The following CAB39 variants were observed in gnomAD, a reference collection of about 807,000 sequenced individuals.
The protein encoded by CAB39 is calcium binding protein 39, also known as calcium-binding protein 39.
A neutral mutation model predicts 40.0 loss-of-function variants in CAB39; 8 were observed. That is an observed-to-expected ratio of 0.20 (90% CI 0.12 to 0.36). The LOEUF (loss-of-function observed/expected upper bound fraction) is 0.36. Among genes scored for constraint, CAB39 ranks in the 10% least tolerant of loss-of-function variants. The pLI, the probability that CAB39 is intolerant of heterozygous loss-of-function variation, is 1.00. For missense variants in CAB39, 270 were observed against 401.1 expected, an observed-to-expected ratio of 0.67 and a Z score of 2.79; for synonymous variants, 156 against 141.6, an observed-to-expected ratio of 1.10 and a Z score of -0.72.
At chr2:230,777,365 T>C (rs933388888) in intron 2 of CAB39, among the ~76,000 whole-genome samples, 3 of 151,138 alleles carry the variant, frequency 2.0e-5, no homozygotes, top group Admixed American at 1.3e-4. Flanking sequence ...TTTTTTTGTT[T>C]TTTTTTTTTT....
chr2:230,810,320 A>T lies in CAB39; in HGVS notation c.625A>T (p.Arg209Ter). The change falls in exon 6 of 9, where the codon AGA becomes TGA. Residue 209 changes from arginine to a stop codon, truncating the protein, a stop_gained and splice_region_variant. Coordinates refer to ENST00000258418, the MANE Select transcript of CAB39 (RefSeq NM_016289.4). LOFTEE classifies it high-confidence loss of function. ...AGAATTTTTGGAACAGCATTATGAT[A>T]GAGTAAGTATATGAAATACTATTTT... ...SAEFLEQHYD[R>*]FFSEYEKLLH... 8.1e-7 allele frequency: 1 copy of T among 1,241,478 alleles called. No individual in the cohort carries two copies. The highest frequency in any genetic ancestry group is 1.1e-6 in the Non-Finnish European group (1 of 875,254). 76.9% of individuals were successfully genotyped at this position (1,241,478 alleles called of 1,614,324 possible). A position where few individuals can be genotyped will look rare whatever the true frequency, so the allele number is the denominator to read the frequency against.
chr2:230,802,426 A>G (rs1696106580), intron 5 of CAB39, among the ~76,000 whole-genome samples: 1 of 152,312 alleles, frequency 6.6e-6, no homozygotes, highest in African/African-American at 2.4e-5. Context: ...GAACTGAAGG[A>G]GATAGAGACA....
At chr2:230,741,714 C>T (rs1025388140) in intron 1 of CAB39, among the ~76,000 whole-genome samples, 6 of 152,122 alleles carry the variant, frequency 3.9e-5, no homozygotes, top group African/African-American at 1.4e-4. Flanking sequence ...TTTAAAATAT[C>T]CTCAAATCTT....
chr2:230,814,766 A>G (rs1179672504), intron 7 of CAB39, among the ~76,000 whole-genome samples: 1 of 152,198 alleles, frequency 6.6e-6, no homozygotes, highest in African/African-American at 2.4e-5. Flanking sequence ...TGCAAAGTCT[A>G]AAATATTTAC....
In CAB39 at chr2:230,790,565, C is replaced by T. The variant is rs1271627679; in HGVS notation, c.115-307C>T. The stretch of plus-strand genomic sequence containing the variant: ...TTGCCTCTTTGGTGATGTTTCCCTC[C>T]CACTTGAGGAAGTGAACCTTTCTCC... On this transcript the variant is annotated intron_variant, in intron 2 of 8. Coordinates refer to ENST00000258418, the MANE Select transcript of CAB39 (RefSeq NM_016289.4). Among the ~76,000 whole-genome samples the T allele has an allele frequency of 1.2e-4, 18 of 152,176 alleles. 1 individual carries two copies. Among genetic ancestry groups the T allele is most frequent in the Admixed American group, 1.2e-3 (18 of 15,286 alleles).
At chr2:230,784,688 C>G (rs1419008337) in intron 2 of CAB39, among the ~76,000 whole-genome samples, 1 of 151,946 alleles carries the variant, frequency 6.6e-6, no homozygotes, top group Non-Finnish European at 1.5e-5. Context: ...GTGGAAAGTT[C>G]AGGTGTAATT....
intron 7 of CAB39, among the ~76,000 whole-genome samples, chr2:230,816,411 C>A (rs1696401710): frequency 6.6e-6 from 1 of 152,222 alleles, no homozygotes; most frequent in Non-Finnish European, 1.5e-5. Context: ...TTGCTTCTCA[C>A]CGTAAGAATA....
intron 4 of CAB39, among the ~76,000 whole-genome samples, chr2:230,796,877 A>C (rs1695995777): frequency 6.6e-6 from 1 of 152,194 alleles, no homozygotes; most frequent in Non-Finnish European, 1.5e-5. Context: ...CAGGGGCAGG[A>C]ATGAACATAA....
In CAB39 at chr2:230,798,865, G is replaced by A. The variant is rs1177803084; in HGVS notation, c.535G>A (p.Asp179Asn). The change falls in exon 5 of 9, where the codon GAC becomes AAC. Residue 179 changes from aspartate (D) to asparagine (N), a missense_variant. Physicochemically the swap from Asp to Asn is conservative, Grantham distance 23 (BLOSUM62 1). Transcript: ENST00000258418. ...CAGATATGTCGAAATGTCAACATTTGACATAGCTTCAGATGCATTTGCCAC... is the reference window on the plus strand; with the variant it reads ...CAGATATGTCGAAATGTCAACATTTAACATAGCTTCAGATGCATTTGCCAC... Reference protein sequence around the residue: ...FFRYVEMSTFDIASDAFATFK... With the variant: ...FFRYVEMSTFNIASDAFATFK... 1 of 1,603,522 alleles carries A rather than the reference G, an allele frequency of 6.2e-7. No individual in the cohort carries two copies.
At chr2:230,721,093 G>A (rs1354665640) in intron 1 of CAB39, among the ~76,000 whole-genome samples, 1 of 151,946 alleles carries the variant, frequency 6.6e-6, no homozygotes, top group East Asian at 1.9e-4. Flanking sequence ...ATAATAATAC[G>A]TTCTTTCTAT....
intron 2 of CAB39, among the ~76,000 whole-genome samples, chr2:230,789,223 G>T (rs1695850337): frequency 6.6e-6 from 1 of 151,954 alleles, no homozygotes; most frequent in African/African-American, 2.4e-5. Context: ...TTTCATTCAG[G>T]TGTTTTTTTA....
chr2:230,789,263 C>T (rs370717367), intron 2 of CAB39, among the ~76,000 whole-genome samples: 8 of 152,256 alleles, frequency 5.3e-5, no homozygotes, highest in African/African-American at 1.7e-4. Flanking sequence ...TAACATGGTA[C>T]ATGTTAGTGA....
At chr2:230,814,194 G>T in intron 7 of CAB39, 80 bp downstream of exon 7, 1 of 739,212 alleles carries the variant, frequency 1.4e-6, no homozygotes, top group South Asian at 1.8e-5. Context: ...GAGATGTGCA[G>T]GATGGGTCAT....
chr2:230,760,699 G>T (rs982632697), intron 2 of CAB39, among the ~76,000 whole-genome samples: 1 of 152,042 alleles, frequency 6.6e-6, no homozygotes, highest in African/African-American at 2.4e-5. Context: ...CAGTGTATCC[G>T]TGCCAAATGC....
At chr2:230,727,091 C>T (rs1439833325) in intron 1 of CAB39, among the ~76,000 whole-genome samples, 1 of 151,908 alleles carries the variant, frequency 6.6e-6, no homozygotes, top group African/African-American at 2.4e-5. Flanking sequence ...TAACTGTAGA[C>T]ACTGGGTCTA....
chr2:230,715,174 C>G (rs1694326618), intron 1 of CAB39, among the ~76,000 whole-genome samples: 1 of 152,076 alleles, frequency 6.6e-6, no homozygotes, highest in South Asian at 2.1e-4. Context: ...CATTAAATAT[C>G]TTCATATAAA....
intron 1 of CAB39, among the ~76,000 whole-genome samples, chr2:230,745,650 G>A (rs971790050): frequency 2.0e-5 from 3 of 152,086 alleles, no homozygotes; most frequent in Admixed American, 2.0e-4. Context: ...GGCGGGGCCA[G>A]AGTTTCGCGC....
intron 2 of CAB39, among the ~76,000 whole-genome samples, chr2:230,762,813 C>G (rs1399886810): frequency 6.6e-6 from 1 of 152,182 alleles, no homozygotes; most frequent in African/African-American, 2.4e-5. Flanking sequence ...TCTGCTCTTT[C>G]GTAGCTTCCG....
chr2:230,782,232 C>T (rs1695699182), intron 2 of CAB39, among the ~76,000 whole-genome samples: 1 of 152,172 alleles, frequency 6.6e-6, no homozygotes, highest in African/African-American at 2.4e-5. Context: ...ATTGCCTTCT[C>T]TTGTGAAACA....
Sources: gnomAD v4.1 joint callset for allele counts (sites outside exome capture counted in the v4.1 genomes callset) on GRCh38, gnomAD v4.1.1 for gene constraint, MANE v1.5 for transcripts, NCBI Gene and HGNC (gene_info 2026-07-23, HGNC 2026-07-21) for gene names.